Variants in ELAC2 observed in about 807,000 individuals in gnomAD.
The protein encoded by ELAC2 is elaC ribonuclease Z 2, also known as zinc phosphodiesterase ELAC protein 2.
ELAC2 carries 92 observed loss-of-function variants against 105.2 expected under a neutral mutation model. The observed-to-expected ratio is 0.87, with a 90% CI of 0.74 to 1.04. The LOEUF (loss-of-function observed/expected upper bound fraction) is 1.04. Among genes scored for constraint, ELAC2 ranks in the 50% least tolerant of loss-of-function variants. The pLI is 0.00. For synonymous variants in ELAC2, 468 were observed against 409.1 expected, an observed-to-expected ratio of 1.14 and a Z score of -1.74; for missense variants, 1,099 against 1,071.7, an observed-to-expected ratio of 1.03 and a Z score of -0.36.
intron 22 of ELAC2, 48 bp downstream of exon 22, chr17:12,994,377 G>T (rs759557739): frequency 5.6e-6 from 9 of 1,600,394 alleles, no homozygotes; most frequent in Non-Finnish European, 6.9e-6. Flanking sequence ...GTCACGTAGT[G>T]GGGGAGGGAG....
chr17:13,002,767 G>A (rs2143608315), intron 12 of ELAC2, 188 bp from the exon 13 acceptor site: 2 of 872,000 alleles, frequency 2.3e-6, no homozygotes, highest in Admixed American at 4.1e-5. Flanking sequence ...GTGTTCCCTA[G>A]CTCAGCTGCC....
At chr17:13,012,396 G>A (rs145473016) in intron 6 of ELAC2, among the ~76,000 whole-genome samples, 2,039 of 152,312 alleles carry the variant, frequency 0.013, 21 homozygotes, top group Non-Finnish European at 0.023. Flanking sequence ...CTACAGCAGG[G>A]GTCAGGTGAG....
In ELAC2 at chr17:13,017,814, T is replaced by C. The variant is rs745328310; in HGVS notation, c.134A>G (p.Lys45Arg). The C allele has an allele frequency of 3.7e-6, 6 of 1,600,886 alleles. No homozygotes were observed. The highest frequency in any genetic ancestry group is 1.3e-5 in the African/African-American group (1 of 74,730). The change falls in exon 1 of 24, where the codon AAG becomes AGG. Residue 45 changes from lysine (K) to arginine (R), a missense_variant. Physicochemically the swap from Lys to Arg is conservative, Grantham distance 26. Transcript: ENST00000338034. Reference protein sequence around the residue: ...DPLRHLRTREKRGPSGCSGGP... With the variant: ...DPLRHLRTRERRGPSGCSGGP... ...GCCGGAGCACCCCGACGGTCCGCGC[T>C]TCTCTCGCGTGCGCAGGTGCCGCAG...
rs770852543 is a variant in ELAC2 at position 13,002,477 on chromosome 17, C to T, written c.1182G>A (p.Pro394=). The T allele has an allele frequency of 2.5e-6, 4 of 1,608,922 alleles. No individual in the cohort carries two copies. Among genetic ancestry groups the T allele is most frequent in the African/African-American group, 1.3e-5 (1 of 74,840 alleles). Residue 394 remains proline (P), a synonymous_variant, in exon 13 of 24, where the codon CCG becomes CCA. Coordinates refer to ENST00000338034, the MANE Select transcript of ELAC2 (RefSeq NM_018127.7). ...AACTGGTGAGCAGGGGGAAGATGTC[C>T]GGGTGGATGAGGTTGAGCTGGGTTT... is the stretch of plus-strand genomic sequence containing the variant. ...KIQTQLNLIH[P]DIFPLLTSFR...
intron 11 of ELAC2, 106 bp from the exon 12 acceptor site, chr17:13,003,680 A>C (rs2040951343): frequency 1.0e-6 from 1 of 994,160 alleles, no homozygotes; most frequent in Non-Finnish European, 1.6e-6. Flanking sequence ...GCAGCACTGC[A>C]GTGAGCTGAC....
intron 12 of ELAC2, 164 bp from the exon 13 acceptor site, chr17:13,002,743 T>A: frequency 8.8e-7 from 1 of 1,130,802 alleles, no homozygotes; most frequent in Non-Finnish European, 1.3e-6. Context: ...CCACTCCTGC[T>A]GTCTCAAAGC....
rs1598281542 is a variant in ELAC2, at chr17:13,017,938, G to C, written c.10C>G (p.Leu4Val). 1 of 1,537,036 alleles carries C rather than the reference G, an allele frequency of 6.5e-7. No individual in the cohort carries two copies. Among genetic ancestry groups the C allele is most frequent in the Non-Finnish European group, 8.7e-7 (1 of 1,146,762 alleles). ...GCCGCGGACCGCAGCAGCGAGCAAA[G>C]CGCCCACATGCGCCCGTCTCCACCA... is the stretch of plus-strand genomic sequence containing the variant. MWA[L>V]CSLLRSAAGR... Residue 4 changes from leucine (L) to valine (V), a missense_variant, in exon 1 of 24, where the codon CTT (leucine) becomes GTT (valine). Leu to Val is a conservative substitution (Grantham distance 32, BLOSUM62 1). Coordinates refer to ENST00000338034, the MANE Select transcript of ELAC2 (RefSeq NM_018127.7).
intron 15 of ELAC2, among the ~76,000 whole-genome samples, chr17:12,999,003 A>C (rs539264518): frequency 6.6e-6 from 1 of 152,296 alleles, no homozygotes; most frequent in South Asian, 2.1e-4. Flanking sequence ...TTATAATAAC[A>C]AAACACAGAC....
At chr17:13,011,923 T>C in intron 6 of ELAC2, 141 bp from the exon 7 acceptor site, 2 of 1,349,532 alleles carry the variant, frequency 1.5e-6, no homozygotes, top group Non-Finnish European at 2.1e-6. Flanking sequence ...AACTAGTTAG[T>C]TAACTTCCTA....
chr17:13,013,492 G>A lies in ELAC2; in HGVS notation c.491-217C>T, dbSNP rs543799191. Among the ~76,000 whole-genome samples, 4 of 152,116 alleles carry A rather than the reference G, an allele frequency of 2.6e-5. No individual in the cohort carries two copies. The South Asian group carries it at 8.3e-4, about 32-fold the overall frequency. On this transcript the variant is annotated intron_variant, in intron 5 of 23. Transcript: ENST00000338034. ...TATATTTACTACAGCCAGATGAAAA[G>A]ACATTATAATCTTTGGTGACTATCC...
At chr17:13,014,054 G>A (rs967952991) in intron 5 of ELAC2, among the ~76,000 whole-genome samples, 5 of 152,150 alleles carry the variant, frequency 3.3e-5, no homozygotes, top group Non-Finnish European at 1.5e-5. Flanking sequence ...CTCATTTTGG[G>A]AGGCTGAGGC....
Position 13,004,978 on chromosome 17 carries a change from C to T in ELAC2, c.983+11G>A, listed in dbSNP as rs771550334. The T allele has an allele frequency of 1.3e-6, 2 of 1,599,822 alleles. No individual in the cohort carries two copies. Among genetic ancestry groups the T allele is most frequent in the South Asian group, 2.2e-5 (2 of 90,800 alleles). ...GCTCTCACTTCTCCCACCCTAGAGA[C>T]CCCTCATTACCTCTGAAAGGTGGCA... is the stretch of plus-strand genomic sequence containing the variant. On this transcript the variant is annotated intron_variant, in intron 11 of 23. Coordinates refer to ENST00000338034, the MANE Select transcript of ELAC2 (RefSeq NM_018127.7).
At chr17:13,016,347 C>T (rs1056285112) in intron 3 of ELAC2, among the ~76,000 whole-genome samples, 16 of 152,222 alleles carry the variant, frequency 1.1e-4, no homozygotes, top group African/African-American at 3.9e-4. Context: ...GCTAGACTCT[C>T]CAGTTTACTG....
Position 13,015,858 on chromosome 17 carries a change from C to T in ELAC2, c.368-26G>A, listed in dbSNP as rs368894235. 5.0e-6 allele frequency: 8 copies of T among 1,596,460 alleles called. No homozygotes were observed. The African/African-American group carries it at 1.1e-4, about 21-fold the overall frequency. ...CTAAAAAGGATGCATAAAATCAGAT[C>T]TCTCATCAATTTGACCTGTCGTCAC... On this transcript the variant is annotated intron_variant, in intron 3 of 23. Transcript: ENST00000338034.
At chr17:13,013,379 T>A in intron 5 of ELAC2, 104 bp from the exon 6 acceptor site, 1 of 1,227,672 alleles carries the variant, frequency 8.1e-7, no homozygotes, top group Non-Finnish European at 1.2e-6. Context: ...GCCTCAGAAT[T>A]ATGGTGGGAA....
chr17:13,011,815 T>C (rs768729071), intron 6 of ELAC2, 33 bp from the exon 7 acceptor site: 5 of 1,614,048 alleles, frequency 3.1e-6, no homozygotes, highest in Admixed American at 3.3e-5. Flanking sequence ...AATTACACAC[T>C]GCACAAGGTG....
rs759265806 is a variant in ELAC2, at chr17:13,006,038, T to C, written c.739-59A>G. ...GGCTAATGAAGAAGGTTGGTTTTAA[T>C]CAATTTTCTTAGAAGTGTATTTTTC... On this transcript the variant is annotated intron_variant, in intron 8 of 23. Coordinates refer to ENST00000338034, the MANE Select transcript of ELAC2 (RefSeq NM_018127.7). 2.3e-5 allele frequency: 35 copies of C among 1,522,144 alleles called. No homozygotes were observed. In the Admixed American group the frequency reaches 3.8e-4, roughly 17 times the overall value. The allele number at this position is 1,522,144 out of a possible 1,614,324, so 94.3% of individuals were successfully genotyped here.
At chr17:13,001,517 TAAATA>T (rs948443518) in intron 14 of ELAC2, among the ~76,000 whole-genome samples, 1 of 149,098 alleles carries the variant, frequency 6.7e-6, no homozygotes, top group African/African-American at 2.4e-5. Context: ...ATAAATAAAA[TAAATA>T]AATTAATTAA....
intron 8 of ELAC2, among the ~76,000 whole-genome samples, chr17:13,007,380 T>G (rs1189535026): frequency 6.6e-6 from 1 of 152,218 alleles, no homozygotes; most frequent in Non-Finnish European, 1.5e-5. Flanking sequence ...AATTTGGATC[T>G]GAAATCCTTA....
Sources: gnomAD v4.1 joint callset for allele counts (sites outside exome capture counted in the v4.1 genomes callset) on GRCh38, gnomAD v4.1.1 for gene constraint, MANE v1.5 for transcripts, NCBI Gene and HGNC (gene_info 2026-07-23, HGNC 2026-07-21) for gene names.